NELL1: variants seen among roughly 807,000 people sequenced by gnomAD.
NELL1 encodes protein kinase C-binding protein NELL1.
Under a neutral mutation model 107.4 loss-of-function variants are expected in NELL1, and 76 were observed. The ratio of observed to expected loss-of-function variants is 0.71; its 90% CI spans 0.59 to 0.86. The LOEUF is 0.86. Ranked by LOEUF, NELL1 falls within the 40% of genes least tolerant of loss-of-function variation. NELL1 has a pLI of 0.00. For synonymous variants in NELL1, 353 were observed against 341.2 expected, an observed-to-expected ratio of 1.03 and a Z score of -0.38; for missense variants, 1,024 against 1,005.5, an observed-to-expected ratio of 1.02 and a Z score of -0.25.
intron 2 of NELL1, among the ~76,000 whole-genome samples, chr11:20,748,991 T>C (rs564663647): frequency 1.3e-5 from 2 of 151,980 alleles, no homozygotes; most frequent in East Asian, 3.9e-4. Flanking sequence ...GGGGCTGTTA[T>C]ACCCTAGGAA....
chr11:21,355,253 TAGTG>T (rs1850905630), intron 14 of NELL1, among the ~76,000 whole-genome samples: 1 of 152,138 alleles, frequency 6.6e-6, no homozygotes, highest in African/African-American at 2.4e-5. Flanking sequence ...GTGCACCAGT[TAGTG>T]AGAGGCAGAC....
chr11:21,544,399 A>T (rs1377442551), intron 16 of NELL1, among the ~76,000 whole-genome samples: 1 of 151,972 alleles, frequency 6.6e-6, no homozygotes, highest in East Asian at 1.9e-4. Context: ...TTATACTTTA[A>T]AATATGGGGT....
At chr11:20,905,560 A>G (rs1564960132) in intron 5 of NELL1, among the ~76,000 whole-genome samples, 1 of 152,182 alleles carries the variant, frequency 6.6e-6, no homozygotes, top group African/African-American at 2.4e-5. Flanking sequence ...TGTATAAAAA[A>G]ATGAGAATAT....
At chr11:20,828,549 A>T (rs1431037050) in intron 3 of NELL1, among the ~76,000 whole-genome samples, 1 of 152,118 alleles carries the variant, frequency 6.6e-6, no homozygotes, top group Admixed American at 6.6e-5. Flanking sequence ...CTTGTTTGGG[A>T]TCGCTGCAGG....
intron 12 of NELL1, among the ~76,000 whole-genome samples, chr11:21,072,944 C>T (rs1018800163): frequency 5.9e-5 from 9 of 152,292 alleles, no homozygotes; most frequent in African/African-American, 1.4e-4. Flanking sequence ...ACACACAACA[C>T]GCAGAAATGT....
At chr11:21,060,456 G>T (rs1024921692) in intron 12 of NELL1, among the ~76,000 whole-genome samples, 1 of 152,200 alleles carries the variant, frequency 6.6e-6, no homozygotes, top group African/African-American at 2.4e-5. Context: ...CATTATTATG[G>T]GGGATTGTCT....
At chr11:21,178,172 A>G (rs1426402043) in intron 13 of NELL1, among the ~76,000 whole-genome samples, 1 of 151,790 alleles carries the variant, frequency 6.6e-6, no homozygotes, top group Non-Finnish European at 1.5e-5. Flanking sequence ...AAGAAGTACT[A>G]CTAGATTTTT....
chr11:21,217,343 G>A (rs1857640010), intron 13 of NELL1, among the ~76,000 whole-genome samples: 1 of 152,128 alleles, frequency 6.6e-6, no homozygotes, highest in Non-Finnish European at 1.5e-5. Context: ...GGTACATTGG[G>A]GGAAGCTAGG....
At chr11:20,929,945 C>T (rs545528787) in intron 9 of NELL1, among the ~76,000 whole-genome samples, 1 of 148,064 alleles carries the variant, frequency 6.8e-6, no homozygotes, top group South Asian at 2.1e-4. Context: ...GCACTCCAGC[C>T]TGGGCAACAG....
At chr11:20,670,899 C>A (rs1392202357) in intron 1 of NELL1, among the ~76,000 whole-genome samples, 2 of 152,218 alleles carry the variant, frequency 1.3e-5, no homozygotes, top group South Asian at 4.1e-4. Flanking sequence ...AGAGCAAGTT[C>A]ATCTGGAGAG....
chr11:21,175,756 G>GTTTT (rs1453276142), intron 13 of NELL1, among the ~76,000 whole-genome samples: 1 of 151,828 alleles, frequency 6.6e-6, no homozygotes, highest in African/African-American at 2.4e-5. Context: ...AAACAACGAT[G>GTTTT]TTTTGTCTTT....
At chr11:20,975,881 ATGTGTAT>A (rs1381885279) in intron 12 of NELL1, among the ~76,000 whole-genome samples, 1 of 115,354 alleles carries the variant, frequency 8.7e-6, no homozygotes, top group East Asian at 3.0e-4. Flanking sequence ...ATACACATAC[ATGTGTAT>A]TATATATACA....
chr11:20,708,545 C>T (rs756770152), intron 2 of NELL1, among the ~76,000 whole-genome samples: 7 of 151,944 alleles, frequency 4.6e-5, no homozygotes, highest in Non-Finnish European at 8.8e-5. Flanking sequence ...CTATTCATGT[C>T]CTTTGCTTAC....
chr11:20,905,755 A>G (rs970339518), intron 5 of NELL1, among the ~76,000 whole-genome samples: 6 of 152,138 alleles, frequency 3.9e-5, no homozygotes, highest in Non-Finnish European at 5.9e-5. Flanking sequence ...AGAAAAATGA[A>G]TAAAGAAAAA....
At chr11:20,676,656 G>A (rs1250921415) in intron 1 of NELL1, among the ~76,000 whole-genome samples, 1 of 152,192 alleles carries the variant, frequency 6.6e-6, no homozygotes, top group Non-Finnish European at 1.5e-5. Context: ...TTCCTAACAG[G>A]AAAAGAGTAA....
At chr11:21,492,662 G>A (rs1024376701) in intron 15 of NELL1, among the ~76,000 whole-genome samples, 7 of 146,790 alleles carry the variant, frequency 4.8e-5, no homozygotes, top group Non-Finnish European at 1.0e-4. Context: ...ACCAAACACT[G>A]CATGTTCTCA....
intron 14 of NELL1, among the ~76,000 whole-genome samples, chr11:21,350,707 CAG>C (rs1850789314): frequency 6.6e-6 from 1 of 152,082 alleles, no homozygotes; most frequent in South Asian, 2.1e-4. Context: ...GAACTGGAGA[CAG>C]AGAGTTGAAA....
chr11:21,283,997 G>A (rs1849054495), intron 14 of NELL1: 1 of 351,968 alleles, frequency 2.8e-6, no homozygotes, highest in Non-Finnish European at 5.6e-6. Flanking sequence ...TATGCTGCCT[G>A]TCAAGATTAT....
chr11:21,140,413 A>G (rs565365633), intron 13 of NELL1, among the ~76,000 whole-genome samples: 240 of 152,298 alleles, frequency 1.6e-3, no homozygotes, highest in African/African-American at 5.3e-3. Context: ...ATGAGATCAC[A>G]TATGTAATTG....
Sources: gnomAD v4.1 joint callset for allele counts (sites outside exome capture counted in the v4.1 genomes callset) on GRCh38, gnomAD v4.1.1 for gene constraint, MANE v1.5 for transcripts, NCBI Gene and HGNC (gene_info 2026-07-23, HGNC 2026-07-21) for gene names.